PKP4: variants seen among roughly 807,000 people sequenced by gnomAD.
PKP4 encodes plakophilin-4.
A neutral mutation model predicts 145.1 loss-of-function variants in PKP4; 90 were observed. The ratio of observed to expected loss-of-function variants is 0.62; its 90% CI spans 0.52 to 0.74. The LOEUF (loss-of-function observed/expected upper bound fraction) is 0.74. Ranked by LOEUF, PKP4 falls within the 30% of genes least tolerant of loss-of-function variation. The probability of loss-of-function intolerance (pLI) is 0.00; values close to 1 mark genes in which losing one functional copy is unlikely to be tolerated. For synonymous variants in PKP4, 563 were observed against 577.2 expected, an observed-to-expected ratio of 0.98 and a Z score of 0.35; for missense variants, 1,340 against 1,482.7, an observed-to-expected ratio of 0.90 and a Z score of 1.58.
At position 158,528,334 on chromosome 2, in the gene PKP4, G is replaced by A. The variant is rs549715990; in HGVS notation, c.-5-4846G>A. ...AAAAAATGATGATTTCATGTCCTTT[G>A]TAGGGACATGGATGAAATTGGAAAC... On this transcript the variant is annotated intron_variant, in intron 1 of 21. Transcript: ENST00000389759. 5.0e-5 allele frequency among the ~76,000 whole-genome samples: 7 copies of A among 139,132 alleles called. No homozygotes were observed. In the East Asian group the frequency reaches 1.0e-3, roughly 21 times the overall value. The allele number at this position is 139,132 out of a possible 152,430, so 91.3% of individuals were successfully genotyped here. A position where few individuals can be genotyped will look rare whatever the true frequency, so the allele number is the denominator to read the frequency against.
chr2:158,513,658 C>T (rs552293049), intron 1 of PKP4, among the ~76,000 whole-genome samples: 2 of 152,286 alleles, frequency 1.3e-5, no homozygotes, highest in African/African-American at 4.8e-5. Flanking sequence ...TCTCCTGACT[C>T]CAGGTCACAT....
chr2:158,559,720 TG>T (rs1035195071), intron 2 of PKP4, among the ~76,000 whole-genome samples: 3 of 152,204 alleles, frequency 2.0e-5, no homozygotes, highest in African/African-American at 7.2e-5. Context: ...GAGTTTTTTT[TG>T]TTTTTTAGTG....
At chr2:158,498,975 T>A (rs1287726171) in intron 1 of PKP4, among the ~76,000 whole-genome samples, 1 of 152,140 alleles carries the variant, frequency 6.6e-6, no homozygotes. Flanking sequence ...ACCTAAGGAT[T>A]AAGCCCACGG....
At chr2:158,515,171 C>G (rs533397012) in intron 1 of PKP4, among the ~76,000 whole-genome samples, 2 of 152,236 alleles carry the variant, frequency 1.3e-5, no homozygotes, top group African/African-American at 4.8e-5. Flanking sequence ...ATCTGTGCAA[C>G]CAAAGTACCA....
At chr2:158,667,079 A>C (rs1427842396) in intron 16 of PKP4, among the ~76,000 whole-genome samples, 1 of 152,224 alleles carries the variant, frequency 6.6e-6, no homozygotes, top group African/African-American at 2.4e-5. Flanking sequence ...GCAAGGCGCC[A>C]AAGGCACAAC....
chr2:158,643,725 A>AAAAG (rs1367319938), intron 11 of PKP4, among the ~76,000 whole-genome samples: 2 of 142,960 alleles, frequency 1.4e-5, no homozygotes, highest in African/African-American at 2.5e-5. Flanking sequence ...AAAAAAAAAA[A>AAAAG]AAAGAAAAGA....
chr2:158,608,457 C>T (rs539711182), intron 4 of PKP4, among the ~76,000 whole-genome samples: 25 of 152,132 alleles, frequency 1.6e-4, no homozygotes, highest in Non-Finnish European at 2.8e-4. Flanking sequence ...TGGCTAATCT[C>T]CCCTCGCCAC....
chr2:158,534,058 C>A (rs1366843999), intron 2 of PKP4, among the ~76,000 whole-genome samples: 3 of 151,410 alleles, frequency 2.0e-5, no homozygotes, highest in Admixed American at 6.6e-5. Flanking sequence ...CATTATGTGT[C>A]CCCTGTGAGG....
At chr2:158,623,817 G>A (rs2052495707) in intron 6 of PKP4, among the ~76,000 whole-genome samples, 2 of 152,216 alleles carry the variant, frequency 1.3e-5, no homozygotes, top group African/African-American at 4.8e-5. Context: ...AGGTAACAGA[G>A]CAGCCTGGTC....
At chr2:158,571,874 G>A (rs1441838169) in intron 2 of PKP4, among the ~76,000 whole-genome samples, 1 of 152,148 alleles carries the variant, frequency 6.6e-6, no homozygotes, top group Non-Finnish European at 1.5e-5. Flanking sequence ...CTCATCAAAG[G>A]AGCGGGAGTG....
chr2:158,661,289 T>C, intron 12 of PKP4, 44 bp from the exon 13 acceptor site: 1 of 1,387,242 alleles, frequency 7.2e-7, no homozygotes, highest in Non-Finnish European at 1.0e-6. Flanking sequence ...GGCTGATGAG[T>C]GCATGGTTCA....
chr2:158,474,960 T>G (rs986040424), intron 1 of PKP4, among the ~76,000 whole-genome samples: 9 of 152,188 alleles, frequency 5.9e-5, no homozygotes, highest in African/African-American at 2.2e-4. Context: ...CTCAGTTCTT[T>G]TTACTAGTGT....
intron 1 of PKP4, among the ~76,000 whole-genome samples, chr2:158,487,162 A>G (rs527818465): frequency 5.1e-4 from 78 of 152,278 alleles, no homozygotes; most frequent in African/African-American, 1.8e-3. Context: ...AGTGATTTTC[A>G]CACTGCCTGT....
At chr2:158,671,094 G>C (rs2057518111) in intron 17 of PKP4, among the ~76,000 whole-genome samples, 1 of 152,192 alleles carries the variant, frequency 6.6e-6, no homozygotes, top group East Asian at 1.9e-4. Context: ...CCATTGCAGA[G>C]ATTTTTATTT....
Position 158,492,609 on chromosome 2 carries a change from C to T in PKP4, c.-6+35391C>T, listed in dbSNP as rs1164689828. On this transcript the variant is annotated intron_variant, in intron 1 of 21. Coordinates refer to ENST00000389759, the MANE Select transcript of PKP4 (RefSeq NM_003628.6). ...GAGGATACTCTTCATCTGTCTTGCC[C>T]ATCAACACTTGACAACCCACTCCAT... Among the ~76,000 whole-genome samples, 4 of 152,172 alleles carry T rather than the reference C, an allele frequency of 2.6e-5. No homozygotes were observed. The East Asian group carries it at 5.8e-4, about 22-fold the overall frequency.
chr2:158,621,750 CAA>C (rs112367194), intron 6 of PKP4, among the ~76,000 whole-genome samples: 22 of 64,366 alleles, frequency 3.4e-4, no homozygotes, highest in Non-Finnish European at 4.4e-4. Flanking sequence ...CGTCTCAAAA[CAA>C]AAAAAAAAAA....
At chr2:158,677,059 AC>A in intron 20 of PKP4, 192 bp downstream of exon 20, 1 of 677,044 alleles carries the variant, frequency 1.5e-6, no homozygotes, top group Non-Finnish European at 2.7e-6. Context: ...ACAAGCATGT[AC>A]TTGTTTGTAT....
chr2:158,627,512 A>G (rs924571148), intron 7 of PKP4, among the ~76,000 whole-genome samples: 2 of 152,068 alleles, frequency 1.3e-5, no homozygotes, highest in African/African-American at 2.4e-5. Flanking sequence ...TTTTCTAGAA[A>G]TACTGCAGTG....
chr2:158,583,629 C>A (rs1168756263), intron 3 of PKP4, among the ~76,000 whole-genome samples: 4 of 152,130 alleles, frequency 2.6e-5, no homozygotes, highest in African/African-American at 4.8e-5. Flanking sequence ...CGACCACCAC[C>A]ACTACAGCTG....
Sources: gnomAD v4.1 joint callset for allele counts (sites outside exome capture counted in the v4.1 genomes callset) on GRCh38, gnomAD v4.1.1 for gene constraint, MANE v1.5 for transcripts, NCBI Gene and HGNC (gene_info 2026-07-23, HGNC 2026-07-21) for gene names.